Variants in ZNF431 observed in about 807,000 individuals in gnomAD.
ZNF431 encodes the protein zinc finger protein 431.
In ZNF431, 34 loss-of-function variants were observed where a neutral mutation model predicts 57.0. That is an observed-to-expected ratio of 0.60 (90% CI 0.45 to 0.79). ZNF431 has a LOEUF of 0.79. Among genes scored for constraint, ZNF431 ranks in the 30% least tolerant of loss-of-function variants. The probability of loss-of-function intolerance (pLI) is 0.00; values close to 1 mark genes in which losing one functional copy is unlikely to be tolerated. For synonymous variants in ZNF431, 207 were observed against 220.3 expected (o/e 0.94, Z 0.54); for missense variants, 607 against 667.1 (o/e 0.91, Z 0.99).
rs559253036 is a variant in ZNF431, at chr19:21,189,799, A to G, written c.*5765A>G. ...ATCTTTCTGTGCCTTGCTTATCCCA[A>G]CTAATACAATGTCCTCCAACTTCAT... On this transcript the variant is annotated 3_prime_UTR_variant, in exon 5 of 5. Coordinates refer to ENST00000311048, the MANE Select transcript of ZNF431 (RefSeq NM_133473.4). 7.6e-6 allele frequency: 3 copies of G among 396,904 alleles called. No individual in the cohort carries two copies. Among genetic ancestry groups the G allele is most frequent in the Non-Finnish European group, 1.3e-5 (3 of 225,586 alleles). The allele number at this position is 396,904 out of a possible 1,614,324, so 24.6% of individuals were successfully genotyped here.
chr19:21,191,807 G>A lies in ZNF431; in HGVS notation c.*7773G>A, dbSNP rs1971516196. On this transcript the variant is annotated 3_prime_UTR_variant, in exon 5 of 5. Transcript: ENST00000311048. ...AGCTATGTAGTGTATTTCAAAGTTA[G>A]TCACTTCTTTTGTCTTGATTGCTTT... 1 of 152,082 alleles carries A rather than the reference G, an allele frequency of 6.6e-6. No individual in the cohort carries two copies. The highest frequency in any genetic ancestry group is 2.4e-5 in the African/African-American group (1 of 41,398). 9.4% of individuals were successfully genotyped at this position (152,082 alleles called of 1,614,324 possible).
At chr19:21,162,559 G>T (rs113175142) in intron 2 of ZNF431, among the ~76,000 whole-genome samples, 2,591 of 152,196 alleles carry the variant, frequency 0.017, 55 homozygotes, top group African/African-American at 0.054. Context: ...ACCCACCTCA[G>T]CCTCCCAAAG....
At chr19:21,160,584 T>C (rs1970542969) in intron 2 of ZNF431, among the ~76,000 whole-genome samples, 1 of 152,194 alleles carries the variant, frequency 6.6e-6, no homozygotes, top group African/African-American at 2.4e-5. Flanking sequence ...GGCTTATCAG[T>C]GGGCCCTCAG....
intron 2 of ZNF431, among the ~76,000 whole-genome samples, chr19:21,153,778 G>A (rs1010950574): frequency 6.6e-6 from 1 of 152,074 alleles, no homozygotes; most frequent in African/African-American, 2.4e-5. Flanking sequence ...GTGCAGTGCC[G>A]TGATCTTGGC....
At position 21,167,556 on chromosome 19, in the gene ZNF431, T is replaced by A; in HGVS notation, c.224-15T>A. The stretch of plus-strand genomic sequence containing the variant: ...ATATAGGCAAGATTCATGTTATTTA[T>A]TTTTAATAAAGCAGGTGTTGCTGTC... On this transcript the variant is annotated splice_polypyrimidine_tract_variant and intron_variant, in intron 3 of 4. Coordinates refer to ENST00000311048, the MANE Select transcript of ZNF431 (RefSeq NM_133473.4). The A allele has an allele frequency of 1.3e-6, 2 of 1,528,948 alleles. No individual in the cohort carries two copies. The highest frequency in any genetic ancestry group is 1.8e-6 in the Non-Finnish European group (2 of 1,137,890). 94.7% of individuals were successfully genotyped at this position (1,528,948 alleles called of 1,614,324 possible).
intron 4 of ZNF431, among the ~76,000 whole-genome samples, chr19:21,168,050 C>T (rs1024131005): frequency 1.3e-5 from 2 of 151,972 alleles, no homozygotes; most frequent in South Asian, 4.1e-4. Context: ...TTTTTGAATC[C>T]TGTCTGAAAT....
intron 2 of ZNF431, among the ~76,000 whole-genome samples, chr19:21,146,160 A>C (rs1244003718): frequency 6.6e-6 from 1 of 152,158 alleles, no homozygotes; most frequent in Admixed American, 6.5e-5. Context: ...GAGTCCATAC[A>C]GTAAAGTAAA....
intron 4 of ZNF431, among the ~76,000 whole-genome samples, chr19:21,169,070 C>T (rs1970806222): frequency 1.3e-5 from 2 of 151,966 alleles, no homozygotes; most frequent in Non-Finnish European, 2.9e-5. Context: ...CGGCACCAGC[C>T]CAGCTAAATT....
In ZNF431 at chr19:21,177,318, T is replaced by C. The variant is rs186993776; in HGVS notation, c.320-5305T>C. Among the ~76,000 whole-genome samples the C allele has an allele frequency of 2.3e-3, 356 of 152,352 alleles. 3 individuals carry two copies. Among genetic ancestry groups the C allele is most frequent in the African/African-American group, 8.2e-3 (340 of 41,594 alleles). ...CCATTGCTTGTTTTTGTCAGGGTTT[T>C]CAAAGATCAAATGGTTGTAGATATG... On this transcript the variant is annotated intron_variant, in intron 4 of 4. Coordinates refer to ENST00000311048, the MANE Select transcript of ZNF431 (RefSeq NM_133473.4).
chr19:21,157,299 G>A (rs545225003), intron 2 of ZNF431, among the ~76,000 whole-genome samples: 12 of 151,882 alleles, frequency 7.9e-5, no homozygotes, highest in Admixed American at 3.3e-4. Flanking sequence ...CATCACGCCC[G>A]GCTAATTTTT....
chr19:21,148,762 G>A (rs915034606), intron 2 of ZNF431, among the ~76,000 whole-genome samples: 1 of 152,106 alleles, frequency 6.6e-6, no homozygotes, highest in African/African-American at 2.4e-5. Context: ...GAAAACCTTG[G>A]TAAGTAAGGA....
At chr19:21,153,433 A>G (rs1313640708) in intron 2 of ZNF431, among the ~76,000 whole-genome samples, 1 of 152,222 alleles carries the variant, frequency 6.6e-6, no homozygotes, top group Admixed American at 6.5e-5. Flanking sequence ...TAAATAAGAA[A>G]AGAGAGCACC....
At chr19:21,149,606 A>C in intron 2 of ZNF431, 1 of 238,520 alleles carries the variant, frequency 4.2e-6, no homozygotes, top group Non-Finnish European at 8.3e-6. Context: ...AGTTTGTATT[A>C]TTTTAATTAT....
At chr19:21,175,860 A>G (rs1011680847) in intron 4 of ZNF431, among the ~76,000 whole-genome samples, 2 of 152,140 alleles carry the variant, frequency 1.3e-5, no homozygotes, top group African/African-American at 4.8e-5. Flanking sequence ...TGTCTTTGCT[A>G]TTGTGAATGT....
In ZNF431 at chr19:21,187,994, C is replaced by G. The variant is rs574997807; in HGVS notation, c.*3960C>G. On this transcript the variant is annotated 3_prime_UTR_variant, in exon 5 of 5. Coordinates refer to ENST00000311048, the MANE Select transcript of ZNF431 (RefSeq NM_133473.4). ...AGTTAAAAGGCAGCCAGGTGTGGCT[C>G]ACGCCTGTAATCCCAGCACTGAGAT... The G allele has an allele frequency of 6.6e-6, 1 of 152,132 alleles. No individual in the cohort carries two copies. Among genetic ancestry groups the G allele is most frequent in the Non-Finnish European group, 1.5e-5 (1 of 68,046 alleles). 9.4% of individuals were successfully genotyped at this position (152,132 alleles called of 1,614,324 possible). A position where few individuals can be genotyped will look rare whatever the true frequency, so the allele number is the denominator to read the frequency against.
rs1221495548 is a variant in ZNF431 at position 21,190,150 on chromosome 19, C to T, written c.*6116C>T. 1.4e-5 allele frequency: 5 copies of T among 356,928 alleles called. No individual in the cohort carries two copies. The highest frequency in any genetic ancestry group is 2.5e-5 in the Non-Finnish European group (5 of 200,808). The allele number at this position is 356,928 out of a possible 1,614,324, so 22.1% of individuals were successfully genotyped here. ...TGCCACTGCACTCCATCCTGGGCAA[C>T]AGAGTGAGACTCGGTCTCAAGAGGG... On this transcript the variant is annotated 3_prime_UTR_variant, in exon 5 of 5. Transcript: ENST00000311048.
In ZNF431 at chr19:21,149,839, G is replaced by A. The variant is rs116377051; in HGVS notation, c.96+6196G>A. 3.0e-3 allele frequency: 1,970 copies of A among 653,306 alleles called. 42 individuals carry two copies. In the African/African-American group the frequency reaches 0.032, roughly 11 times the overall value. The allele number at this position is 653,306 out of a possible 1,614,324, so 40.5% of individuals were successfully genotyped here. A position where few individuals can be genotyped will look rare whatever the true frequency, so the allele number is the denominator to read the frequency against. On this transcript the variant is annotated intron_variant, in intron 2 of 4. Transcript: ENST00000311048. ...CTTCTGAGTTAACCTGTGTGAAGAC[G>A]ACAGTGGTGCAGGTCTTCCTGTGGA...
In ZNF431 at chr19:21,192,224, A is replaced by AGT. The variant is rs1971524282; in HGVS notation, c.*8192_*8193dup. ...CGGTCTGTCACGCAGGCTCGAGTGC[A>AGT]GTGGCACGATCTTGGCTCACTGCAA... On this transcript the variant is annotated 3_prime_UTR_variant, in exon 5 of 5. Transcript: ENST00000311048. 2 of 152,208 alleles carry AGT rather than the reference A, an allele frequency of 1.3e-5. No homozygotes were observed. Among genetic ancestry groups the AGT allele is most frequent in the Non-Finnish European group, 2.9e-5 (2 of 68,042 alleles). 9.4% of individuals were successfully genotyped at this position (152,208 alleles called of 1,614,324 possible). A position where few individuals can be genotyped will look rare whatever the true frequency, so the allele number is the denominator to read the frequency against.
chr19:21,184,304 T>C lies in ZNF431; in HGVS notation c.*270T>C, dbSNP rs1971306394. On this transcript the variant is annotated 3_prime_UTR_variant, in exon 5 of 5. Coordinates refer to ENST00000311048, the MANE Select transcript of ZNF431 (RefSeq NM_133473.4). Reference sequence around the variant, plus strand: ...GGTGGAAGTTGCAGTGAGCCAAGATTGTACCACTGCACTCCAGTTTGGCAA... The same window carrying C: ...GGTGGAAGTTGCAGTGAGCCAAGATCGTACCACTGCACTCCAGTTTGGCAA... 7.0e-6 allele frequency: 2 copies of C among 284,854 alleles called. No individual in the cohort carries two copies. The highest frequency in any genetic ancestry group is 2.2e-5 in the African/African-American group (1 of 45,724). The allele number at this position is 284,854 out of a possible 1,614,324, so 17.6% of individuals were successfully genotyped here. A position where few individuals can be genotyped will look rare whatever the true frequency, so the allele number is the denominator to read the frequency against.
Sources: gnomAD v4.1 joint callset for allele counts (sites outside exome capture counted in the v4.1 genomes callset) on GRCh38, gnomAD v4.1.1 for gene constraint, MANE v1.5 for transcripts, NCBI Gene and HGNC (gene_info 2026-07-23, HGNC 2026-07-21) for gene names.